GPC5: variants seen among roughly 807,000 people sequenced by gnomAD.
The protein encoded by GPC5 is glypican-5.
GPC5 carries 47 observed loss-of-function variants against 53.9 expected under a neutral mutation model. The ratio of observed to expected loss-of-function variants is 0.87; its 90% CI spans 0.69 to 1.11. The LOEUF (loss-of-function observed/expected upper bound fraction) is 1.11, where lower values mean the gene tolerates loss of function less well. Among genes scored for constraint, GPC5 ranks in the 50% most tolerant of loss-of-function variants. The probability of loss-of-function intolerance (pLI) is 0.00; values close to 1 mark genes in which losing one functional copy is unlikely to be tolerated. For missense variants in GPC5, 748 were observed against 713.1 expected (o/e 1.05, Z -0.56); for synonymous variants, 286 against 263.3 (o/e 1.09, Z -0.84).
intron 7 of GPC5, among the ~76,000 whole-genome samples, chr13:92,336,648 G>T (rs990399635): frequency 2.6e-5 from 4 of 152,124 alleles, no homozygotes; most frequent in African/African-American, 7.2e-5. Flanking sequence ...ATATGAAAAT[G>T]ATAATTATGT....
At chr13:92,102,702 C>G (rs1469788344) in intron 6 of GPC5, among the ~76,000 whole-genome samples, 1 of 152,140 alleles carries the variant, frequency 6.6e-6, no homozygotes, top group African/African-American at 2.4e-5. Context: ...ACATTTTCCT[C>G]TAAAAGAATC....
chr13:92,273,544 A>C (rs952460140), intron 7 of GPC5, among the ~76,000 whole-genome samples: 1 of 152,154 alleles, frequency 6.6e-6, no homozygotes, highest in Admixed American at 6.5e-5. Flanking sequence ...CAGCAAAAAA[A>C]AACTAGGTAT....
At position 92,708,857 on chromosome 13, in the gene GPC5, C is replaced by CTTTTTTTTTTTTTTTTTTTTTTTTTT. The variant is rs752130758; in HGVS notation, c.1562-157407_1562-157382dup. ...CTAGCAGCATCTAGCTGGAAACCGCCTTTTTTTTTTTTTTTTTTTTTTTTT... is the reference window on the plus strand; with the variant it reads ...CTAGCAGCATCTAGCTGGAAACCGCCTTTTTTTTTTTTTTTTTTTTTTTTTTTTTTTTTTTTTTTTTTTTTTTTTTT... On this transcript the variant is annotated intron_variant, in intron 7 of 7. Coordinates refer to ENST00000377067, the MANE Select transcript of GPC5 (RefSeq NM_004466.6). Among the ~76,000 whole-genome samples, 6 of 48,184 alleles carry CTTTTTTTTTTTTTTTTTTTTTTTTTT rather than the reference C, an allele frequency of 1.2e-4. 2 individuals carry two copies. The highest frequency in any genetic ancestry group is 2.5e-4 in the Non-Finnish European group (6 of 24,284). The allele number at this position is 48,184 out of a possible 152,430, so 31.6% of individuals were successfully genotyped here. A position where few individuals can be genotyped will look rare whatever the true frequency, so the allele number is the denominator to read the frequency against.
chr13:91,635,499 G>A (rs1420600576), intron 2 of GPC5, among the ~76,000 whole-genome samples: 1 of 151,950 alleles, frequency 6.6e-6, no homozygotes, highest in Non-Finnish European at 1.5e-5. Context: ...CTTCCTGTTG[G>A]TGGGCATGTT....
chr13:92,644,696 TA>T (rs1444221467), intron 7 of GPC5, among the ~76,000 whole-genome samples: 1 of 152,180 alleles, frequency 6.6e-6, no homozygotes, highest in Non-Finnish European at 1.5e-5. Context: ...AATATTGTAA[TA>T]TATTAATATA....
At position 92,265,362 on chromosome 13, in the gene GPC5, G is replaced by C. The variant is rs189414552; in HGVS notation, c.1561+120373G>C. Reference sequence around the variant, plus strand: ...GAAATTTCTTTCTCCAGATAGTTTAGTTCATCACTCTTAAATTCTGCCTTT... The same window carrying C: ...GAAATTTCTTTCTCCAGATAGTTTACTTCATCACTCTTAAATTCTGCCTTT... On this transcript the variant is annotated intron_variant, in intron 7 of 7. Coordinates refer to ENST00000377067, the MANE Select transcript of GPC5 (RefSeq NM_004466.6). Among the ~76,000 whole-genome samples the C allele has an allele frequency of 1.1e-3, 169 of 152,144 alleles. 2 individuals are homozygous for C. Among genetic ancestry groups the C allele is most frequent in the Non-Finnish European group, 4.6e-4 (31 of 67,996 alleles).
At chr13:92,370,915 G>A (rs1312788120) in intron 7 of GPC5, among the ~76,000 whole-genome samples, 1 of 152,174 alleles carries the variant, frequency 6.6e-6, no homozygotes, top group African/African-American at 2.4e-5. Context: ...TTGGGAGGCT[G>A]AGGCGGGCAG....
rs149162899 is a variant in GPC5, at chr13:91,543,618, C to T, written c.325+94696C>T. On this transcript the variant is annotated intron_variant, in intron 2 of 7. Coordinates refer to ENST00000377067, the MANE Select transcript of GPC5 (RefSeq NM_004466.6). ...TCTACTTAAGTAGAATATGAGAAAT[C>T]TCTTCTGTGCATTGATAAAGATGTT... Among the ~76,000 whole-genome samples, 372 of 152,160 alleles carry T rather than the reference C, an allele frequency of 2.4e-3. 1 individual carries two copies. Among genetic ancestry groups the T allele is most frequent in the African/African-American group, 8.7e-3 (360 of 41,518 alleles).
chr13:92,603,447 A>G (rs929164178), intron 7 of GPC5, among the ~76,000 whole-genome samples: 1 of 152,200 alleles, frequency 6.6e-6, no homozygotes, highest in African/African-American at 2.4e-5. Context: ...ACAAAAATTT[A>G]CTAAACCTAG....
chr13:92,442,485 G>A (rs1877614858), intron 7 of GPC5, among the ~76,000 whole-genome samples: 1 of 151,992 alleles, frequency 6.6e-6, no homozygotes, highest in African/African-American at 2.4e-5. Flanking sequence ...AGATTACTAG[G>A]ATGTAAAAGA....
chr13:92,184,222 C>A (rs966086988), intron 7 of GPC5, among the ~76,000 whole-genome samples: 1 of 152,022 alleles, frequency 6.6e-6, no homozygotes, highest in East Asian at 1.9e-4. Flanking sequence ...TCTAAAACTC[C>A]ATAAGAAATC....
At chr13:91,456,153 C>T (rs992860575) in intron 2 of GPC5, among the ~76,000 whole-genome samples, 10 of 152,040 alleles carry the variant, frequency 6.6e-5, no homozygotes, top group African/African-American at 1.7e-4. Context: ...AAATACCCAC[C>T]GCAGGGCTCT....
In GPC5 at chr13:91,599,857, G is replaced by A. The variant is rs1036090050; in HGVS notation, c.326-93330G>A. ...GTCTGTCAAAACTGAAAATATTTGC[G>A]GGCTTATCTAATTAGTAGAAATAGT... On this transcript the variant is annotated intron_variant, in intron 2 of 7. Transcript: ENST00000377067. Among the ~76,000 whole-genome samples, 11 of 152,112 alleles carry A rather than the reference G, an allele frequency of 7.2e-5. No individual in the cohort carries two copies. In the East Asian group the frequency reaches 1.7e-3, roughly 24 times the overall value.
At chr13:92,077,907 A>C (rs779471523) in intron 6 of GPC5, among the ~76,000 whole-genome samples, 18 of 152,186 alleles carry the variant, frequency 1.2e-4, no homozygotes, top group Non-Finnish European at 2.5e-4. Context: ...GCATTGCTGA[A>C]CTTGATAGAC....
intron 7 of GPC5, among the ~76,000 whole-genome samples, chr13:92,727,632 C>T (rs888819946): frequency 4.0e-5 from 6 of 151,346 alleles, no homozygotes; most frequent in African/African-American, 1.5e-4. Context: ...CAGCTGTCTT[C>T]TTTATGCATT....
intron 4 of GPC5, among the ~76,000 whole-genome samples, chr13:91,729,637 C>G (rs2036651531): frequency 6.6e-6 from 1 of 152,078 alleles, no homozygotes; most frequent in Non-Finnish European, 1.5e-5. Flanking sequence ...CTATTGCTGG[C>G]TATTTTCTAC....
At chr13:91,498,239 ATTT>A (rs60732957) in intron 2 of GPC5, among the ~76,000 whole-genome samples, 2,032 of 110,238 alleles carry the variant, frequency 0.018, 24 homozygotes, top group African/African-American at 0.053. Context: ...CTACCCAAAG[ATTT>A]TTTTTTTTTT....
At chr13:92,323,199 A>G (rs1385434679) in intron 7 of GPC5, among the ~76,000 whole-genome samples, 1 of 151,420 alleles carries the variant, frequency 6.6e-6, no homozygotes, top group Non-Finnish European at 1.5e-5. Flanking sequence ...GGGCATACAA[A>G]TGAGGTACTT....
chr13:92,056,155 AG>A (rs1374970838), intron 6 of GPC5, among the ~76,000 whole-genome samples: 1 of 152,148 alleles, frequency 6.6e-6, no homozygotes, highest in East Asian at 1.9e-4. Context: ...CTAAAATGAA[AG>A]GTTGTCTTCC....
Sources: gnomAD v4.1 joint callset for allele counts (sites outside exome capture counted in the v4.1 genomes callset) on GRCh38, gnomAD v4.1.1 for gene constraint, MANE v1.5 for transcripts, NCBI Gene and HGNC (gene_info 2026-07-23, HGNC 2026-07-21) for gene names.